FBXO34: variants seen among roughly 807,000 people sequenced by gnomAD.
FBXO34 encodes the protein F-box protein 34, also known as F-box only protein 34.
FBXO34 carries 12 observed loss-of-function variants against 24.5 expected under a neutral mutation model. That is an observed-to-expected ratio of 0.49 (90% confidence interval 0.31 to 0.79). FBXO34 has a LOEUF of 0.79. Among genes scored for constraint, FBXO34 ranks in the 30% least tolerant of loss-of-function variants. FBXO34 has a pLI of 0.04. For missense variants in FBXO34, 823 were observed against 857.7 expected, an observed-to-expected ratio of 0.96 and a Z score of 0.51; for synonymous variants, 320 against 311.9, an observed-to-expected ratio of 1.03 and a Z score of -0.27.
At chr14:55,302,309 G>A (rs893584133) in intron 1 of FBXO34, among the ~76,000 whole-genome samples, 1 of 152,166 alleles carries the variant, frequency 6.6e-6, no homozygotes, top group Admixed American at 6.5e-5. Context: ...TAGGTAGATA[G>A]GTAGATTTGG....
the FBXO34 span, chr14:55,391,275 A>G: frequency 4.2e-6 from 1 of 237,938 alleles, no homozygotes; most frequent in Non-Finnish European, 8.1e-6. Flanking sequence ...GGAGATCAAG[A>G]CCATCCTGGC....
At chr14:55,431,908 C>A in the FBXO34 span, among the ~76,000 whole-genome samples, 2 of 152,146 alleles carry the variant, frequency 1.3e-5, no homozygotes, top group African/African-American at 4.8e-5. Context: ...TAGAACATTT[C>A]CATCTAGAGA....
the FBXO34 span, among the ~76,000 whole-genome samples, chr14:55,410,236 G>A: frequency 1.3e-5 from 2 of 152,194 alleles, no homozygotes; most frequent in Non-Finnish European, 2.9e-5. Context: ...TGTTGAATAA[G>A]CAGCTGTTTT....
chr14:55,420,665 G>C, the FBXO34 span, among the ~76,000 whole-genome samples: 6 of 152,162 alleles, frequency 3.9e-5, no homozygotes, highest in Admixed American at 1.3e-4. Flanking sequence ...TGTATACTTA[G>C]AAATTTTAAG....
intron 1 of FBXO34, among the ~76,000 whole-genome samples, chr14:55,309,006 T>A (rs183668108): frequency 6.6e-6 from 1 of 152,330 alleles, no homozygotes; most frequent in East Asian, 1.9e-4. Flanking sequence ...TTGATCACAA[T>A]TTAGAAATTA....
the FBXO34 span, among the ~76,000 whole-genome samples, chr14:55,440,958 T>C: frequency 6.6e-6 from 1 of 152,222 alleles, no homozygotes; most frequent in Non-Finnish European, 1.5e-5. Flanking sequence ...GCTATTCTCC[T>C]GCCTCAGCCT....
At chr14:55,425,841 G>C in the FBXO34 span, among the ~76,000 whole-genome samples, 15 of 152,168 alleles carry the variant, frequency 9.9e-5, no homozygotes, top group African/African-American at 1.2e-4. Flanking sequence ...TTTTCTTTTA[G>C]ACAGTGATCT....
intron 1 of FBXO34, among the ~76,000 whole-genome samples, chr14:55,349,644 G>T (rs1477743591): frequency 1.6e-5 from 2 of 122,100 alleles, no homozygotes; most frequent in African/African-American, 6.5e-5. Context: ...GTCTCGCTCT[G>T]TTGCCCAGGT....
the FBXO34 span, among the ~76,000 whole-genome samples, chr14:55,381,519 GAATA>G: frequency 1.3e-5 from 2 of 152,164 alleles, no homozygotes; most frequent in Non-Finnish European, 1.5e-5. Flanking sequence ...AGTGATGAAT[GAATA>G]AATAAAATGT....
downstream of FBXO34, among the ~76,000 whole-genome samples, chr14:55,372,067 TTCCGATTCCTC>T (rs1306572079): frequency 2.0e-5 from 3 of 152,158 alleles, no homozygotes. Flanking sequence ...GAGCCATCTT[TTCCGATTCCTC>T]TCCTAGCGCC....
chr14:55,406,123 A>G, the FBXO34 span, among the ~76,000 whole-genome samples: 1 of 152,254 alleles, frequency 6.6e-6, no homozygotes, highest in Non-Finnish European at 1.5e-5. Context: ...TTAAGAGTCA[A>G]AGGAACTAAT....
the FBXO34 span, chr14:55,395,232 A>C: frequency 5.5e-6 from 2 of 362,844 alleles, no homozygotes; most frequent in African/African-American, 2.2e-5. Context: ...CCTCTTGGGC[A>C]TCCTGGCTGC....
intron 1 of FBXO34, among the ~76,000 whole-genome samples, chr14:55,275,650 T>TAAAA (rs772731752): frequency 0.011 from 1,466 of 133,892 alleles, 12 homozygotes; most frequent in Middle Eastern, 0.03. Context: ...CCATCTCTAC[T>TAAAA]AAAAAAAAAA....
At chr14:55,284,679 C>A (rs1594725309) in intron 1 of FBXO34, among the ~76,000 whole-genome samples, 1 of 143,072 alleles carries the variant, frequency 7.0e-6, no homozygotes, top group East Asian at 2.0e-4. Flanking sequence ...TGTAGTGGTG[C>A]ATTCTTAGCT....
At chr14:55,338,699 G>A (rs1883877498) in intron 1 of FBXO34, among the ~76,000 whole-genome samples, 1 of 151,978 alleles carries the variant, frequency 6.6e-6, no homozygotes, top group Non-Finnish European at 1.5e-5. Flanking sequence ...ACAAGGTCAG[G>A]AGATCGAGAC....
downstream of FBXO34, among the ~76,000 whole-genome samples, chr14:55,370,931 A>G (rs1475628446): frequency 7.2e-5 from 11 of 152,034 alleles, no homozygotes; most frequent in Non-Finnish European, 1.0e-4. Context: ...GTGAGCCACC[A>G]CGCCCGGCCG....
chr14:55,419,415 T>C, the FBXO34 span, among the ~76,000 whole-genome samples: 1 of 152,234 alleles, frequency 6.6e-6, no homozygotes, highest in East Asian at 1.9e-4. Flanking sequence ...AGTTGACATA[T>C]TTGCTGTTTG....
chr14:55,331,556 T>TAC (rs1883533256), intron 1 of FBXO34, among the ~76,000 whole-genome samples: 1 of 121,188 alleles, frequency 8.3e-6, no homozygotes, highest in Non-Finnish European at 1.9e-5. Flanking sequence ...GTGATATATA[T>TAC]ATATACACAC....
chr14:55,342,988 G>A (rs1350033607), intron 1 of FBXO34, among the ~76,000 whole-genome samples: 1 of 152,154 alleles, frequency 6.6e-6, no homozygotes, highest in Non-Finnish European at 1.5e-5. Context: ...TGGGGCTTCA[G>A]AAGTCACTTT....
Sources: gnomAD v4.1 joint callset for allele counts (sites outside exome capture counted in the v4.1 genomes callset) on GRCh38, gnomAD v4.1.1 for gene constraint, MANE v1.5 for transcripts, NCBI Gene and HGNC (gene_info 2026-07-23, HGNC 2026-07-21) for gene names.